D2HGDH: variants seen among roughly 807,000 people sequenced by gnomAD.
The protein encoded by D2HGDH is D-2-hydroxyglutarate dehydrogenase, mitochondrial.
D2HGDH carries 31 observed loss-of-function variants against 46.9 expected under a neutral mutation model. The observed-to-expected ratio is 0.66, with a 90% CI of 0.50 to 0.89. The LOEUF (loss-of-function observed/expected upper bound fraction) is 0.89, where lower values mean the gene tolerates loss of function less well. D2HGDH is among the 40% of genes least tolerant of loss of function. The probability of loss-of-function intolerance (pLI) is 0.00; values close to 1 mark genes in which losing one functional copy is unlikely to be tolerated. For synonymous variants in D2HGDH, 364 were observed against 332.6 expected, an observed-to-expected ratio of 1.09 and a Z score of -1.03; for missense variants, 698 against 720.8, an observed-to-expected ratio of 0.97 and a Z score of 0.36.
At position 241,768,399 on chromosome 2, in the gene D2HGDH, GGCGTGGGCA is replaced by G. The variant is rs1699322238; in HGVS notation, c.*434_*442del. 5.2e-6 allele frequency: 1 copy of G among 194,154 alleles called. No homozygotes were observed. Among genetic ancestry groups the G allele is most frequent in the African/African-American group, 2.4e-5 (1 of 42,010 alleles). The allele number at this position is 194,154 out of a possible 1,614,324, so 12.0% of individuals were successfully genotyped here. ...CGGGGGGCATGCGTGGGCAGCAGGG[GGCGTGGGCA>G]GCGGGGGCACGGGCAGGACCACGTG... On this transcript the variant is annotated 3_prime_UTR_variant, in exon 10 of 10. Transcript: ENST00000321264.
At position 241,750,184 on chromosome 2, in the gene D2HGDH, T is replaced by G; in HGVS notation, c.887T>G (p.Phe296Cys). 2 of 1,614,050 alleles carry G rather than the reference T, an allele frequency of 1.2e-6. No homozygotes were observed. Among genetic ancestry groups the G allele is most frequent in the South Asian group, 2.2e-5 (2 of 91,082 alleles). The change falls in exon 7 of 10, where the codon TTC (phenylalanine) becomes TGC (cysteine). Residue 296 changes from phenylalanine to cysteine, a missense_variant. Transcript: ENST00000321264. ...CPGFAEVLQT[F>C]STCKGMLGEI... ...GGCTTTGCTGAGGTTCTGCAGACCT[T>G]CAGCACCTGCAAGGGGATGCTGGGT...
chr2:241,750,174 C>T lies in D2HGDH; in HGVS notation c.877C>T (p.Leu293=), dbSNP rs1696889598. Residue 293 remains leucine (L), a synonymous_variant, in exon 7 of 10, where the codon CTG becomes TTG. Transcript: ENST00000321264. ...AGGCTGCCCAGGCTTTGCTGAGGTT[C>T]TGCAGACCTTCAGCACCTGCAAGGG... ...FLGCPGFAEV[L]QTFSTCKGML... is the part of the protein sequence containing the mutation. The T allele has an allele frequency of 1.2e-6, 2 of 1,613,984 alleles. No homozygotes were observed. Among genetic ancestry groups the T allele is most frequent in the South Asian group, 2.2e-5 (2 of 91,084 alleles).
chr2:241,735,574 C>T, intron 2 of D2HGDH, 58 bp downstream of exon 2: 3 of 1,590,752 alleles, frequency 1.9e-6, no homozygotes, highest in Non-Finnish European at 2.5e-6. Context: ...TGCGCCTTCC[C>T]GTGGAGGCTT....
chr2:241,761,600 G>A (rs1434737328), intron 9 of D2HGDH, among the ~76,000 whole-genome samples: 3 of 152,186 alleles, frequency 2.0e-5, no homozygotes, highest in Non-Finnish European at 4.4e-5. Context: ...GCCATTTCCT[G>A]TCAGAGACTC....
chr2:241,746,344 T>A (rs1007248655), intron 6 of D2HGDH, among the ~76,000 whole-genome samples: 3 of 152,234 alleles, frequency 2.0e-5, no homozygotes, highest in Non-Finnish European at 4.4e-5. Flanking sequence ...AGTGGTTCCC[T>A]CCGTCCATTG....
At position 241,735,417 on chromosome 2, in the gene D2HGDH, C is replaced by T. The variant is rs777821782; in HGVS notation, c.193C>T (p.Gln65Ter). The change falls in exon 2 of 10, where the codon CAG (glutamine) becomes TAG (stop). Residue 65 changes from glutamine (Q) to a stop codon, truncating the protein, a stop_gained. Coordinates refer to ENST00000321264, the MANE Select transcript of D2HGDH (RefSeq NM_152783.5). LOFTEE classifies it high-confidence loss of function. ...CTTGCCGTTCTCCACGGTGTCTAAGCAGGACCTGGCCGCCTTTGAGCGCAT... is the reference window on the plus strand; with the variant it reads ...CTTGCCGTTCTCCACGGTGTCTAAGTAGGACCTGGCCGCCTTTGAGCGCAT... ...RRLPFSTVSK[Q>*]DLAAFERIVP... 3 of 1,606,360 alleles carry T rather than the reference C, an allele frequency of 1.9e-6. No homozygotes were observed. The highest frequency in any genetic ancestry group is 2.5e-6 in the Non-Finnish European group (3 of 1,178,430).
chr2:241,764,418 C>T (rs890682328), intron 9 of D2HGDH, among the ~76,000 whole-genome samples: 3 of 152,354 alleles, frequency 2.0e-5, no homozygotes, highest in Non-Finnish European at 2.9e-5. Flanking sequence ...TCTCAAAGAG[C>T]TGGCTGTGAA....
rs1362949655 is a variant in D2HGDH, at chr2:241,751,318, TC to T, written c.1072del (p.Leu358TrpfsTer10). On this transcript the variant is annotated frameshift_variant, in exon 8 of 10. Transcript: ENST00000321264. LOFTEE classifies it high-confidence loss of function. ...AGHDAEKLGH[F>X]LEHALGSGLV... ...CATGACGCTGAGAAGCTGGGCCACT[TC>T]CTGGAGCACGCGCTGGGCTCCGGCC... The T allele has an allele frequency of 1.2e-6, 2 of 1,613,772 alleles. No homozygotes were observed. Among genetic ancestry groups the T allele is most frequent in the Non-Finnish European group, 1.7e-6 (2 of 1,180,042 alleles).
chr2:241,762,347 G>C (rs1021080525), intron 9 of D2HGDH, among the ~76,000 whole-genome samples: 2 of 152,220 alleles, frequency 1.3e-5, no homozygotes, highest in East Asian at 3.9e-4. Context: ...TGAGATTGCA[G>C]GTGTGAGCCA....
chr2:241,750,052 C>G, intron 6 of D2HGDH, 99 bp from the exon 7 acceptor site: 1 of 1,585,090 alleles, frequency 6.3e-7, no homozygotes, highest in Non-Finnish European at 8.6e-7. Flanking sequence ...CCAGCTCACC[C>G]ACCCACATGA....
At chr2:241,752,140 A>C (rs1697358573) in intron 8 of D2HGDH, among the ~76,000 whole-genome samples, 2 of 152,058 alleles carry the variant, frequency 1.3e-5, no homozygotes, top group African/African-American at 2.4e-5. Context: ...ACTCCCGCTT[A>C]GTTGATTTCA....
At chr2:241,741,148 C>T (rs367687796) in intron 3 of D2HGDH, 58 bp downstream of exon 3, 2 of 1,535,744 alleles carry the variant, frequency 1.3e-6, no homozygotes, top group Non-Finnish European at 1.8e-6. Flanking sequence ...GTCATTTCCT[C>T]ATGGAGCCTG....
At chr2:241,747,635 C>T (rs1044044564) in intron 6 of D2HGDH, among the ~76,000 whole-genome samples, 1 of 150,574 alleles carries the variant, frequency 6.6e-6, no homozygotes, top group Non-Finnish European at 1.5e-5. Context: ...GTGGTGCAAT[C>T]GTGGCTCACT....
Position 241,742,330 on chromosome 2 carries a change from G to T in D2HGDH, c.351-105G>T. 1 of 1,438,868 alleles carries T rather than the reference G, an allele frequency of 6.9e-7. No homozygotes were observed. 89.1% of individuals were successfully genotyped at this position (1,438,868 alleles called of 1,614,324 possible). On this transcript the variant is annotated intron_variant, in intron 3 of 9. Coordinates refer to ENST00000321264, the MANE Select transcript of D2HGDH (RefSeq NM_152783.5). The surrounding 1 kb of genome is among the most constrained non-coding windows in gnomAD (Gnocchi z 4.8). The stretch of plus-strand genomic sequence containing the variant: ...CCCGCTGAGGCTGCAGGCAGGGCAG[G>T]GTAATCAGGATTTGGAGTCAGGCAC...
chr2:241,764,200 G>T (rs973490527), intron 9 of D2HGDH, among the ~76,000 whole-genome samples: 2 of 152,154 alleles, frequency 1.3e-5, no homozygotes, highest in Non-Finnish European at 2.9e-5. Context: ...GGGGACTGGG[G>T]GGCGACGGGG....
intron 6 of D2HGDH, chr2:241,748,708 G>C (rs1182568535): frequency 1.1e-5 from 7 of 660,762 alleles, no homozygotes; most frequent in Non-Finnish European, 1.4e-5. Flanking sequence ...TCCACCTTCA[G>C]CCCCTGGTGG....
Position 241,735,164 on chromosome 2 carries a change from TC to T in D2HGDH, c.-59del. 7.0e-7 allele frequency: 1 copy of T among 1,438,434 alleles called. No individual in the cohort carries two copies. Among genetic ancestry groups the T allele is most frequent in the South Asian group, 1.4e-5 (1 of 69,618 alleles). 89.1% of individuals were successfully genotyped at this position (1,438,434 alleles called of 1,614,324 possible). A position where few individuals can be genotyped will look rare whatever the true frequency, so the allele number is the denominator to read the frequency against. On this transcript the variant is annotated 5_prime_UTR_variant, in exon 2 of 10. Transcript: ENST00000321264. The stretch of plus-strand genomic sequence containing the variant: ...AGCCAGCGGCTCCCTGCCCTTCCCC[TC>T]CGGGCCCTGAGTACCGGCCCCCCAC...
At chr2:241,757,959 CAAA>C (rs534217783) in intron 9 of D2HGDH, among the ~76,000 whole-genome samples, 5 of 83,328 alleles carry the variant, frequency 6.0e-5, no homozygotes, top group Non-Finnish European at 7.5e-5. Flanking sequence ...AACTCCATCT[CAAA>C]AAAAAAAAAA....
Position 241,735,314 on chromosome 2 carries a change from C to G in D2HGDH, c.90C>G (p.Pro30=), listed in dbSNP as rs1049477731. 3 of 1,537,530 alleles carry G rather than the reference C, an allele frequency of 2.0e-6. No homozygotes were observed. The highest frequency in any genetic ancestry group is 2.0e-5 in the Admixed American group (1 of 50,898). Residue 30 remains proline, a synonymous_variant, in exon 2 of 10, where the codon CCC becomes CCG. Transcript: ENST00000321264. ...AAGSWGRPVG[P]LARRGCCSAP... ...GTTCTTGGGGTCGGCCGGTTGGCCC[C>G]CTGGCCCGCAGAGGCTGCTGCTCCG...
Sources: gnomAD v4.1 joint callset for allele counts (sites outside exome capture counted in the v4.1 genomes callset) on GRCh38, gnomAD v4.1.1 for gene constraint, Gnocchi (gnomAD v3.1) non-coding constraint, MANE v1.5 for transcripts, NCBI Gene and HGNC (gene_info 2026-07-23, HGNC 2026-07-21) for gene names.